Variants in TXLNG observed in about 807,000 individuals in gnomAD.
TXLNG encodes taxilin gamma.
A neutral mutation model predicts 38.8 loss-of-function variants in TXLNG; 5 were observed. That is an observed-to-expected ratio of 0.13 (90% CI 0.07 to 0.27). The LOEUF (loss-of-function observed/expected upper bound fraction) is 0.27, where lower values mean the gene tolerates loss of function less well. Among genes scored for constraint, TXLNG ranks in the 10% least tolerant of loss-of-function variants. The pLI, the probability that TXLNG is intolerant of heterozygous loss-of-function variation, is 1.00. For missense variants in TXLNG, 393 were observed against 398.2 expected, an observed-to-expected ratio of 0.99 and a Z score of 0.11; for synonymous variants, 182 against 158.2, an observed-to-expected ratio of 1.15 and a Z score of -1.13.
chrX:16,837,941 G>T (rs1023800390), intron 8 of TXLNG, among the ~76,000 whole-genome samples: 15 of 111,513 alleles, frequency 1.3e-4, no homozygotes, highest in African/African-American at 4.9e-4. Flanking sequence ...TAAAGTGGTG[G>T]TTTTTTTGGT....
chrX:16,841,934 A>G lies in TXLNG; in HGVS notation c.*168A>G. ...ACAGGAGGCTGCTTAGCAGTTTTGA[A>G]TAGTTTAATCTATAAATTTTCCTCA... On this transcript the variant is annotated 3_prime_UTR_variant, in exon 10 of 10. Transcript: ENST00000380122. 1 of 536,110 alleles carries G rather than the reference A, an allele frequency of 1.9e-6. No homozygotes were observed. Among genetic ancestry groups the G allele is most frequent in the East Asian group, 3.7e-5 (1 of 27,222 alleles). 44.2% of individuals were successfully genotyped at this position (536,110 alleles called of 1,213,427 possible).
At chrX:16,804,780 G>A (rs1036280426) in intron 1 of TXLNG, among the ~76,000 whole-genome samples, 4 of 108,896 alleles carry the variant, frequency 3.7e-5, no homozygotes, top group African/African-American at 1.3e-4. Context: ...TACAAGTTTC[G>A]TTACATGGAT....
intron 1 of TXLNG, among the ~76,000 whole-genome samples, chrX:16,814,085 C>CA (rs998630526): frequency 3.7e-5 from 4 of 109,104 alleles, no homozygotes; most frequent in Admixed American, 9.8e-5. Flanking sequence ...GACTCCATCT[C>CA]AAAAAAAATA....
intron 1 of TXLNG, among the ~76,000 whole-genome samples, chrX:16,789,885 C>G (rs1166364240): frequency 1.8e-5 from 2 of 109,274 alleles, no homozygotes; most frequent in African/African-American, 6.7e-5. Flanking sequence ...ACCTCCGCCT[C>G]CCGGGTTCAA....
At chrX:16,802,821 C>CT (rs561657297) in intron 1 of TXLNG, among the ~76,000 whole-genome samples, 270 of 87,329 alleles carry the variant, frequency 3.1e-3, no homozygotes, top group African/African-American at 5.4e-3. Flanking sequence ...TTCTTTCTTT[C>CT]TTTTTTTTTT....
intron 1 of TXLNG, among the ~76,000 whole-genome samples, chrX:16,817,341 A>G (rs1392882787): frequency 8.9e-6 from 1 of 112,292 alleles, no homozygotes; most frequent in Non-Finnish European, 1.9e-5. Flanking sequence ...TGTCCTTGCC[A>G]ATTTGTTCTT....
rs900032760 is a variant in TXLNG, at chrX:16,821,772, C to T, written c.498+1517C>T. ...TTGGGAGGCCAAGGTGGGCGGATCA[C>T]GAGGTCAGGAGATCGAGACCATCCT... is the stretch of plus-strand genomic sequence containing the variant. On this transcript the variant is annotated intron_variant, in intron 3 of 9. Transcript: ENST00000380122. 9.2e-5 allele frequency among the ~76,000 whole-genome samples: 10 copies of T among 109,079 alleles called. No homozygotes were observed. The East Asian group carries it at 1.7e-3, about 19-fold the overall frequency. 94.7% of individuals were successfully genotyped at this position (109,079 alleles called of 115,157 possible).
chrX:16,822,265 C>T (rs1055148386), intron 3 of TXLNG, among the ~76,000 whole-genome samples: 6 of 109,190 alleles, frequency 5.5e-5, no homozygotes, highest in Admixed American at 9.8e-5. Flanking sequence ...GGCGTGAACC[C>T]GGGAGGCGGA....
At position 16,843,545 on chromosome X, in the gene TXLNG, G is replaced by T; in HGVS notation, c.*1779G>T. 8.9e-6 allele frequency: 1 copy of T among 112,154 alleles called. No homozygotes were observed. Among genetic ancestry groups the T allele is most frequent in the East Asian group, 2.8e-4 (1 of 3,601 alleles). 9.2% of individuals were successfully genotyped at this position (112,154 alleles called of 1,213,427 possible). ...GACTCATTTCCCTGGTGGTGGGGGG[G>T]AATGCAGGTATAGATCAGAAATATA... On this transcript the variant is annotated 3_prime_UTR_variant, in exon 10 of 10. Transcript: ENST00000380122.
At chrX:16,795,772 A>G (rs1927863520) in intron 1 of TXLNG, among the ~76,000 whole-genome samples, 1 of 111,006 alleles carries the variant, frequency 9.0e-6, no homozygotes, top group Non-Finnish European at 1.9e-5. Context: ...TTGTTTGGGT[A>G]ACATGCCATA....
chrX:16,833,766 T>TAGATGTCAAAGTAA (rs1929498017), intron 6 of TXLNG, among the ~76,000 whole-genome samples: 1 of 111,837 alleles, frequency 8.9e-6, no homozygotes, highest in African/African-American at 3.3e-5. Flanking sequence ...TATGCAACTT[T>TAGATGTCAAAGTAA]GTGATTTTCT....
chrX:16,798,794 T>A (rs930878639), intron 1 of TXLNG, among the ~76,000 whole-genome samples: 1 of 110,371 alleles, frequency 9.1e-6, no homozygotes, highest in African/African-American at 3.3e-5. Context: ...CTATGGCTGG[T>A]CTCCAACTCC....
intron 1 of TXLNG, among the ~76,000 whole-genome samples, chrX:16,805,342 G>A (rs1396341209): frequency 9.1e-6 from 1 of 109,780 alleles, no homozygotes; most frequent in East Asian, 2.9e-4. Context: ...AGGCCTTCTT[G>A]GCTACTCTGT....
At position 16,813,384 on chromosome X, in the gene TXLNG, G is replaced by A. The variant is rs113381380; in HGVS notation, c.103-5190G>A. Among the ~76,000 whole-genome samples, 260 of 110,362 alleles carry A rather than the reference G, an allele frequency of 2.4e-3. 1 individual carries two copies. The highest frequency in any genetic ancestry group is 7.9e-3 in the African/African-American group (239 of 30,301). On this transcript the variant is annotated intron_variant, in intron 1 of 9. Coordinates refer to ENST00000380122, the MANE Select transcript of TXLNG (RefSeq NM_018360.3). ...GAGCTGCGCGTGGTGGCTCACGCCT[G>A]TAATCCTAGTGCCCTGGGAGACTGA...
chrX:16,829,039 T>C (rs912690283), intron 4 of TXLNG, among the ~76,000 whole-genome samples: 2 of 111,907 alleles, frequency 1.8e-5, no homozygotes, highest in Admixed American at 9.5e-5. Flanking sequence ...ATTTTTTTTT[T>C]CCCATAGGAA....
At position 16,841,709 on chromosome X, in the gene TXLNG, C is replaced by A. The variant is rs756144052; in HGVS notation, c.1530C>A (p.Ser510Arg). The change falls in exon 10 of 10, where the codon AGC becomes AGA. Residue 510 changes from serine (S) to arginine (R), a missense_variant. Ser to Arg is a moderately radical substitution (Grantham distance 110, BLOSUM62 -1). Coordinates refer to ENST00000380122, the MANE Select transcript of TXLNG (RefSeq NM_018360.3). The stretch of plus-strand genomic sequence containing the variant: ...AGGCTGAGCCCAAGAGTCAGAGAAG[C>A]GCTGTGCAAAAGCCCCCGTCCACAG... ...HLEAEPKSQR[S>R]AVQKPPSTGS... is the part of the protein sequence containing the mutation. The A allele has an allele frequency of 2.5e-6, 3 of 1,211,907 alleles. No homozygotes were observed. The highest frequency in any genetic ancestry group is 3.5e-5 in the South Asian group (2 of 56,977).
Position 16,818,606 on chromosome X carries a change from T to C in TXLNG, c.135T>C (p.Ile45=), listed in dbSNP as rs749089207. The C allele has an allele frequency of 2.5e-6, 3 of 1,209,531 alleles. No individual in the cohort carries two copies. The South Asian group carries it at 5.3e-5, about 21-fold the overall frequency. ...TTGGCACAATGGAAGAAGCTGGAAT[T>C]TGTGGGCTAGGGGTGAAAGCAGATA... The part of the protein sequence containing the change: ...FEIGTMEEAG[I]CGLGVKADML... The change falls in exon 2 of 10, where the codon ATT becomes ATC. Residue 45 remains isoleucine, a synonymous_variant. Coordinates refer to ENST00000380122, the MANE Select transcript of TXLNG (RefSeq NM_018360.3).
At chrX:16,798,463 C>G (rs1304629624) in intron 1 of TXLNG, among the ~76,000 whole-genome samples, 1 of 111,881 alleles carries the variant, frequency 8.9e-6, no homozygotes, top group Non-Finnish European at 1.9e-5. Context: ...GAACAAACAA[C>G]CATAGTTTGT....
At chrX:16,830,829 C>G (rs1215027677) in intron 5 of TXLNG, among the ~76,000 whole-genome samples, 1 of 29,116 alleles carries the variant, frequency 3.4e-5, no homozygotes, top group Non-Finnish European at 5.2e-5. Flanking sequence ...AACCGTAATT[C>G]CGTGTGTGTG....
Sources: allele counts gnomAD v4.1 joint callset (sites outside exome capture counted in the v4.1 genomes callset), GRCh38; gene constraint gnomAD v4.1.1; transcripts MANE v1.5; gene names NCBI Gene and HGNC (gene_info 2026-07-23, HGNC 2026-07-21).